Variants in JPH1 observed in about 807,000 individuals in gnomAD.
The protein encoded by JPH1 is junctophilin 1.
A neutral mutation model predicts 53.6 loss-of-function variants in JPH1; 12 were observed. The observed-to-expected ratio is 0.22, with a 90% CI of 0.14 to 0.36. The LOEUF is 0.36. Ranked by LOEUF, JPH1 falls within the 10% of genes least tolerant of loss-of-function variation. JPH1 has a pLI of 1.00. For missense variants in JPH1, 808 were observed against 905.5 expected (o/e 0.89, Z 1.38); for synonymous variants, 375 against 363.8 (o/e 1.03, Z -0.35).
chr8:74,298,933 T>C (rs1178850467), intron 2 of JPH1, among the ~76,000 whole-genome samples: 1 of 152,218 alleles, frequency 6.6e-6, no homozygotes. Context: ...TTACGAAACA[T>C]CAACCCAGAA....
chr8:74,288,155 T>C (rs1428409085), intron 2 of JPH1, among the ~76,000 whole-genome samples: 2 of 152,160 alleles, frequency 1.3e-5, no homozygotes, highest in African/African-American at 2.4e-5. Flanking sequence ...CAGAGGTCTG[T>C]ACTGAATGCC....
intron 2 of JPH1, among the ~76,000 whole-genome samples, chr8:74,271,040 G>A (rs1806683182): frequency 6.6e-6 from 1 of 152,118 alleles, no homozygotes; most frequent in Non-Finnish European, 1.5e-5. Flanking sequence ...TCACCAATCC[G>A]AGGTTCAGAC....
At chr8:74,297,891 A>C (rs1807566328) in intron 2 of JPH1, among the ~76,000 whole-genome samples, 1 of 121,874 alleles carries the variant, frequency 8.2e-6, no homozygotes, top group Non-Finnish European at 1.7e-5. Context: ...ATTTTAGATG[A>C]TGAAATTATA....
intron 4 of JPH1, 58 bp from the exon 5 acceptor site, chr8:74,237,361 A>G (rs566376670): frequency 1.1e-5 from 14 of 1,323,002 alleles, no homozygotes; most frequent in Admixed American, 1.9e-5. Flanking sequence ...TCAAGATATT[A>G]CCAAAGCCAA....
At chr8:74,307,846 A>AT (rs1232694810) in intron 2 of JPH1, among the ~76,000 whole-genome samples, 3 of 152,226 alleles carry the variant, frequency 2.0e-5, no homozygotes, top group African/African-American at 4.8e-5. Flanking sequence ...TAATTTAAGA[A>AT]TTTCAAAGTC....
At chr8:74,237,178 A>AT in intron 5 of JPH1, 30 bp downstream of exon 5, 1 of 1,370,228 alleles carries the variant, frequency 7.3e-7, no homozygotes, top group East Asian at 2.3e-5. Context: ...ATTTACTATG[A>AT]TTTTAGATAG....
intron 2 of JPH1, among the ~76,000 whole-genome samples, chr8:74,303,731 G>A (rs1030249060): frequency 7.9e-5 from 12 of 152,170 alleles, no homozygotes; most frequent in Non-Finnish European, 1.8e-4. Context: ...TTAAAGACGT[G>A]AGCCACTGTG....
chr8:74,321,289 C>A lies in JPH1; in HGVS notation c.-2G>T. 6.4e-7 allele frequency: 1 copy of A among 1,559,526 alleles called. No individual in the cohort carries two copies. Among genetic ancestry groups the A allele is most frequent in the Non-Finnish European group, 8.7e-7 (1 of 1,152,854 alleles). On this transcript the variant is annotated 5_prime_UTR_variant, in exon 1 of 6. Coordinates refer to ENST00000342232, the MANE Select transcript of JPH1 (RefSeq NM_020647.4). The surrounding 1 kb of genome is among the most constrained non-coding windows in gnomAD (Gnocchi z 4.3). ...GAAGTCGAACCTTCCGCCCGTCATT[C>A]GGGGGGCAGCCCCGGCGCGCTCCCC...
chr8:74,251,593 T>A (rs188829945), intron 3 of JPH1, among the ~76,000 whole-genome samples: 75 of 152,252 alleles, frequency 4.9e-4, no homozygotes, highest in African/African-American at 1.6e-3. Flanking sequence ...CATGGCTTTG[T>A]TTTTTTCTTT....
rs1171136742 is a variant in JPH1, at chr8:74,244,945, C to T, written c.1489G>A (p.Asp497Asn). The T allele has an allele frequency of 9.3e-6, 15 of 1,614,090 alleles. No individual in the cohort carries two copies. The highest frequency in any genetic ancestry group is 1.3e-5 in the Non-Finnish European group (15 of 1,180,018). ...NPSSGARLNQDKRSVADEQVT... is the reference protein window; with the variant it reads ...NPSSGARLNQNKRSVADEQVT... Reference sequence around the variant, plus strand: ...TGCTCATCAGCCACACTCCTTTTGTCTTGGTTGAGTCTCGCCCCTGAGCTG... The same window carrying T: ...TGCTCATCAGCCACACTCCTTTTGTTTTGGTTGAGTCTCGCCCCTGAGCTG... The change falls in exon 4 of 6, where the codon GAC becomes AAC. Residue 497 changes from aspartate (D) to asparagine (N), a missense_variant. Coordinates refer to ENST00000342232, the MANE Select transcript of JPH1 (RefSeq NM_020647.4).
At chr8:74,303,827 T>G (rs963862890) in intron 2 of JPH1, among the ~76,000 whole-genome samples, 1 of 152,202 alleles carries the variant, frequency 6.6e-6, no homozygotes, top group Non-Finnish European at 1.5e-5. Flanking sequence ...CAGAGTGATC[T>G]TTCTAAAGAT....
intron 2 of JPH1, among the ~76,000 whole-genome samples, chr8:74,313,052 G>T (rs1432457228): frequency 6.6e-6 from 1 of 152,108 alleles, no homozygotes; most frequent in African/African-American, 2.4e-5. Flanking sequence ...ATTGCCAGTC[G>T]CTTTCTGTTA....
At chr8:74,272,729 G>A (rs1007409028) in intron 2 of JPH1, among the ~76,000 whole-genome samples, 25 of 150,338 alleles carry the variant, frequency 1.7e-4, no homozygotes, top group African/African-American at 5.6e-4. Context: ...TCAGCCTCCC[G>A]TGTAGCTGGG....
chr8:74,244,994 T>C lies in JPH1; in HGVS notation c.1440A>G (p.Pro480=). 2 of 1,614,020 alleles carry C rather than the reference T, an allele frequency of 1.2e-6. No individual in the cohort carries two copies. Among genetic ancestry groups the C allele is most frequent in the Non-Finnish European group, 1.7e-6 (2 of 1,179,990 alleles). ...TGGGGTTTTGCTTCTTCAGGGGCTT[T>C]GGGGAGGAAGCAGGAGAGTGGCTGT... ...PKHSHSPASS[P]KPLKKQNPSS... is the part of the protein sequence containing the mutation. The change falls in exon 4 of 6, where the codon CCA becomes CCG. Residue 480 remains proline, a synonymous_variant. Transcript: ENST00000342232.
chr8:74,256,682 G>A lies in JPH1; in HGVS notation c.1258+2703C>T, dbSNP rs189818641. 3.0e-4 allele frequency among the ~76,000 whole-genome samples: 45 copies of A among 152,286 alleles called. 1 individual carries two copies. The highest frequency in any genetic ancestry group is 9.9e-4 in the African/African-American group (41 of 41,564). On this transcript the variant is annotated intron_variant, in intron 3 of 5. Transcript: ENST00000342232. Reference sequence around the variant, plus strand: ...AAAAGCTCATCATCACTGTTCATTAGAGAAATGCGAATCAAAACCACAATG... The same window carrying A: ...AAAAGCTCATCATCACTGTTCATTAAAGAAATGCGAATCAAAACCACAATG...
intron 2 of JPH1, among the ~76,000 whole-genome samples, chr8:74,267,304 G>C (rs1210264712): frequency 2.6e-5 from 4 of 152,194 alleles, no homozygotes; most frequent in African/African-American, 9.7e-5. Context: ...TGAGACAAAA[G>C]TGTCCTTGGG....
At chr8:74,282,623 TAG>T (rs1203407968) in intron 2 of JPH1, among the ~76,000 whole-genome samples, 1 of 152,030 alleles carries the variant, frequency 6.6e-6, no homozygotes, top group Non-Finnish European at 1.5e-5. Context: ...CTCATAGAAG[TAG>T]AGAGTAAAAT....
intron 2 of JPH1, among the ~76,000 whole-genome samples, chr8:74,266,608 AG>A (rs1300254052): frequency 5.3e-5 from 8 of 152,202 alleles, no homozygotes; most frequent in Admixed American, 5.2e-4. Context: ...AATGTTCTGA[AG>A]ATTGGTTGCA....
intron 2 of JPH1, among the ~76,000 whole-genome samples, chr8:74,285,821 T>C (rs547822391): frequency 1.1e-4 from 17 of 152,316 alleles, no homozygotes; most frequent in African/African-American, 4.1e-4. Context: ...CATGTAACCA[T>C]CTGCATCAAA....
Sources: gnomAD v4.1 joint callset for allele counts (sites outside exome capture counted in the v4.1 genomes callset) on GRCh38, gnomAD v4.1.1 for gene constraint, Gnocchi (gnomAD v3.1) non-coding constraint, MANE v1.5 for transcripts, NCBI Gene and HGNC (gene_info 2026-07-23, HGNC 2026-07-21) for gene names.